FBXW10B: variants seen among roughly 807,000 people sequenced by gnomAD.
FBXW10B encodes F-box and WD repeat domain containing protein 10B.
the FBXW10B span, among the ~76,000 whole-genome samples, chr17:15,618,065 C>T: frequency 6.6e-6 from 1 of 152,200 alleles, no homozygotes; most frequent in Non-Finnish European, 1.5e-5. Flanking sequence ...TGCAGTGGCT[C>T]ACGCCTGTAA....
At chr17:15,596,184 C>T in the FBXW10B span, among the ~76,000 whole-genome samples, 7 of 152,142 alleles carry the variant, frequency 4.6e-5, no homozygotes, top group East Asian at 1.4e-3. Context: ...CTGCGCCTGG[C>T]CCTACAGAGT....
the FBXW10B span, among the ~76,000 whole-genome samples, chr17:15,600,828 T>C: frequency 1.3e-5 from 2 of 151,766 alleles, no homozygotes; most frequent in Non-Finnish European, 2.9e-5. Context: ...GGTGGGCAGA[T>C]CACGAGGTCA....
the FBXW10B span, among the ~76,000 whole-genome samples, chr17:15,584,503 G>A: frequency 2.6e-5 from 4 of 152,212 alleles, no homozygotes; most frequent in African/African-American, 9.6e-5. Flanking sequence ...TGAATTGGAT[G>A]TATATTACTT....
chr17:15,617,372 A>C, the FBXW10B span, among the ~76,000 whole-genome samples: 680 of 151,812 alleles, frequency 4.5e-3, 8 homozygotes, highest in Middle Eastern at 0.031. Flanking sequence ...CCATGTGACC[A>C]CCCCCTCCCA....
At chr17:15,594,802 G>A in the FBXW10B span, 14 of 1,613,814 alleles carry the variant, frequency 8.7e-6, no homozygotes, top group African/African-American at 1.7e-4. Flanking sequence ...CATGCTCCAG[G>A]CCATGACCAG....
At chr17:15,592,010 C>G in the FBXW10B span, among the ~76,000 whole-genome samples, 1 of 152,174 alleles carries the variant, frequency 6.6e-6, no homozygotes, top group Non-Finnish European at 1.5e-5. Flanking sequence ...CCTCCCTAAC[C>G]CACCAGTTTT....
chr17:15,602,095 G>A, the FBXW10B span, among the ~76,000 whole-genome samples: 1 of 147,608 alleles, frequency 6.8e-6, no homozygotes, highest in African/African-American at 2.6e-5. Flanking sequence ...CTGGGCGAGA[G>A]AGCGAGACTC....
chr17:15,619,562 C>G, the FBXW10B span: 163 of 1,583,358 alleles, frequency 1.0e-4, no homozygotes, highest in Middle Eastern at 2.0e-3. Context: ...GCAACGGCAA[C>G]GCCACCAAAC....
At chr17:15,576,677 G>A in the FBXW10B span, among the ~76,000 whole-genome samples, 1 of 152,036 alleles carries the variant, frequency 6.6e-6, no homozygotes. Flanking sequence ...CCAACTTAAT[G>A]GATCAGATGA....
chr17:15,585,222 T>A, the FBXW10B span, among the ~76,000 whole-genome samples: 1 of 152,124 alleles, frequency 6.6e-6, no homozygotes. Context: ...ATCTTTGTAA[T>A]CTTTCATCTG....
At chr17:15,588,989 A>C in the FBXW10B span, 5 of 1,612,602 alleles carry the variant, frequency 3.1e-6, no homozygotes, top group East Asian at 1.1e-4. Context: ...ACACCACTGA[A>C]AAGGATCAGC....
the FBXW10B span, among the ~76,000 whole-genome samples, chr17:15,608,162 A>ATTT: frequency 1.5e-4 from 20 of 131,834 alleles, no homozygotes; most frequent in African/African-American, 5.1e-4. Context: ...ATGCATTTGC[A>ATTT]TTTTTTTTTT....
At chr17:15,604,037 G>A in the FBXW10B span, among the ~76,000 whole-genome samples, 21,136 of 133,042 alleles carry the variant, frequency 0.16, 1,950 homozygotes, top group East Asian at 0.31. Context: ...CCAACATGGC[G>A]CCACTGCCCT....
At chr17:15,584,052 TACA>T in the FBXW10B span, among the ~76,000 whole-genome samples, 1 of 152,222 alleles carries the variant, frequency 6.6e-6, no homozygotes, top group South Asian at 2.1e-4. Flanking sequence ...TCAAAATCCC[TACA>T]ACATGTGCAT....
At chr17:15,573,459 T>A in the FBXW10B span, 9 of 152,228 alleles carry the variant, frequency 5.9e-5, no homozygotes, top group African/African-American at 2.2e-4. Flanking sequence ...ACTGAGTGAT[T>A]CTCAAACTCT....
the FBXW10B span, among the ~76,000 whole-genome samples, chr17:15,603,544 A>T: frequency 3.3e-5 from 5 of 152,162 alleles, no homozygotes; most frequent in Admixed American, 2.6e-4. Flanking sequence ...TACCCATCAG[A>T]TTGACAAAAC....
the FBXW10B span, chr17:15,565,860 A>T: frequency 6.2e-7 from 1 of 1,612,612 alleles, no homozygotes; most frequent in East Asian, 2.2e-5. Context: ...TGACCTGCAT[A>T]CTGGTCAGGG....
At chr17:15,612,005 C>T in the FBXW10B span, among the ~76,000 whole-genome samples, 4 of 152,188 alleles carry the variant, frequency 2.6e-5, no homozygotes, top group Non-Finnish European at 5.9e-5. Flanking sequence ...GCCCTCCCCT[C>T]GGGTCCTCCT....
chr17:15,585,418 G>C, the FBXW10B span, among the ~76,000 whole-genome samples: 17 of 152,182 alleles, frequency 1.1e-4, no homozygotes, highest in Non-Finnish European at 4.4e-5. Context: ...CAGCCATTTA[G>C]TCTATCTGTA....
Sources: gnomAD v4.1 joint callset for allele counts (sites outside exome capture counted in the v4.1 genomes callset) on GRCh38, gnomAD v4.1.1 for gene constraint, MANE v1.5 for transcripts, NCBI Gene and HGNC (gene_info 2026-07-23, HGNC 2026-07-21) for gene names.